The following DHX40 variants were observed in gnomAD, a reference collection of about 807,000 sequenced individuals.
DHX40 encodes DEAH-box helicase 40.
A neutral mutation model predicts 89.6 loss-of-function variants in DHX40; 28 were observed. The observed-to-expected ratio is 0.31, with a 90% confidence interval of 0.23 to 0.43. The LOEUF (loss-of-function observed/expected upper bound fraction) is 0.43. Ranked by LOEUF, DHX40 falls within the 20% of genes least tolerant of loss-of-function variation. The pLI is 1.00. For synonymous variants in DHX40, 226 were observed against 283.6 expected (o/e 0.80, Z 2.04); for missense variants, 457 against 844.0 (o/e 0.54, Z 5.68).
At chr17:59,572,132 A>C (rs910361297) in intron 3 of DHX40, among the ~76,000 whole-genome samples, 1 of 152,158 alleles carries the variant, frequency 6.6e-6, no homozygotes, top group Non-Finnish European at 1.5e-5. Context: ...TTTAATAGTG[A>C]ATATTATAAT....
intron 3 of DHX40, among the ~76,000 whole-genome samples, chr17:59,572,295 T>C (rs1034300870): frequency 6.6e-6 from 1 of 152,204 alleles, no homozygotes; most frequent in African/African-American, 2.4e-5. Context: ...GTTTTTTCTT[T>C]CTTCTTTCCC....
chr17:59,601,252 T>A (rs968847635), intron 14 of DHX40, among the ~76,000 whole-genome samples: 41 of 152,168 alleles, frequency 2.7e-4, no homozygotes, highest in South Asian at 2.5e-3. Context: ...CAGGCTACAG[T>A]GAGCTGTGAT....
chr17:59,570,188 T>C (rs977912672), intron 2 of DHX40, among the ~76,000 whole-genome samples: 4 of 122,960 alleles, frequency 3.3e-5, no homozygotes, highest in Non-Finnish European at 6.3e-5. Context: ...ATATATATAA[T>C]ATATAATATA....
At chr17:59,590,124 C>T (rs1274618173) in intron 12 of DHX40, among the ~76,000 whole-genome samples, 3 of 150,708 alleles carry the variant, frequency 2.0e-5, no homozygotes, top group African/African-American at 7.3e-5. Flanking sequence ...CCCTTGCATC[C>T]TTAGAGAATT....
rs2030765791 is a variant in DHX40 at position 59,605,174 on chromosome 17, C to G, written c.1961C>G (p.Pro654Arg). 1.2e-6 allele frequency: 2 copies of G among 1,613,898 alleles called. No homozygotes were observed. Among genetic ancestry groups the G allele is most frequent in the East Asian group, 4.5e-5 (2 of 44,874 alleles). Residue 654 changes from proline to arginine, a missense_variant, in exon 16 of 18, where the codon CCT (proline) becomes CGT (arginine). Physicochemically the swap from Pro to Arg is moderately radical, Grantham distance 103. This residue lies in a region of DHX40 where 120 missense variants were observed against 161.7 expected (regional missense o/e 0.74). Coordinates refer to ENST00000251241, the MANE Select transcript of DHX40 (RefSeq NM_024612.5). Reference sequence around the variant, plus strand: ...CGTGGAAGCCCAGTTCACATTCATCCTTCCTCAGCAGTAAGTACTTCATTT... The same window carrying G: ...CGTGGAAGCCCAGTTCACATTCATCGTTCCTCAGCAGTAAGTACTTCATTT... Reference protein sequence around the residue: ...DGRGSPVHIHPSSALHEQETK... With the variant: ...DGRGSPVHIHRSSALHEQETK...
intron 11 of DHX40, among the ~76,000 whole-genome samples, chr17:59,587,291 T>G (rs2049013543): frequency 6.6e-6 from 1 of 151,606 alleles, no homozygotes; most frequent in Admixed American, 6.6e-5. Context: ...TGGTGCAATC[T>G]CACCTCACTG....
At chr17:59,575,682 C>A (rs991095072) in intron 7 of DHX40, 1 of 467,384 alleles carries the variant, frequency 2.1e-6, no homozygotes, top group South Asian at 1.9e-5. Flanking sequence ...TTTTTACATT[C>A]ACTTTTTTGA....
chr17:59,598,989 A>T (rs1308541201), intron 13 of DHX40, 138 bp downstream of exon 13: 1 of 596,698 alleles, frequency 1.7e-6, no homozygotes, highest in Non-Finnish European at 3.1e-6. Flanking sequence ...CAGTGAAATT[A>T]TCTATGTCAG....
Position 59,565,777 on chromosome 17 carries a change from G to A in DHX40, c.106G>A (p.Asp36Asn). 6.2e-7 allele frequency: 1 copy of A among 1,600,708 alleles called. No individual in the cohort carries two copies. Residue 36 changes from aspartate (D) to asparagine (N), a missense_variant, in exon 1 of 18, where the codon GAT becomes AAT. By Grantham distance (23) the Asp-to-Asn change is conservative (BLOSUM62 1). Transcript: ENST00000251241. ...GCGGCTCTCGGCTGTTTGCATCGCC[G>A]ATAGAGGTGCGGTCCGCGGGACGGT... ...EERLSAVCIA[D>N]REEKGCTSQE...
chr17:59,605,140 A>G lies in DHX40; in HGVS notation c.1927A>G (p.Met643Val), dbSNP rs539150022. ...ATCTGTTGGGAGAACGTTTTGCACA[A>G]TGGATGGTCGTGGAAGCCCAGTTCA... ...RRSVGRTFCTMDGRGSPVHIH... is the reference protein window; with the variant it reads ...RRSVGRTFCTVDGRGSPVHIH... Residue 643 changes from methionine (M) to valine (V), a missense_variant, in exon 16 of 18, where the codon ATG (methionine) becomes GTG (valine). Physicochemically the swap from Met to Val is conservative, Grantham distance 21. Transcript: ENST00000251241. 10 of 1,614,116 alleles carry G rather than the reference A, an allele frequency of 6.2e-6. No homozygotes were observed. Among genetic ancestry groups the G allele is most frequent in the East Asian group, 2.2e-5 (1 of 44,864 alleles).
intron 3 of DHX40, among the ~76,000 whole-genome samples, chr17:59,571,248 A>G (rs1034851115): frequency 3.9e-5 from 6 of 152,076 alleles, no homozygotes; most frequent in African/African-American, 1.4e-4. Context: ...ACCTGAGGTC[A>G]GGAGTTCGAG....
intron 15 of DHX40, chr17:59,603,315 TTA>T (rs1292305524): frequency 1.3e-5 from 2 of 152,160 alleles, no homozygotes; most frequent in African/African-American, 4.8e-5. Flanking sequence ...ATGTAAATAT[TTA>T]TATGTATATA....
At chr17:59,601,372 A>G (rs2030515140) in intron 14 of DHX40, among the ~76,000 whole-genome samples, 1 of 151,936 alleles carries the variant, frequency 6.6e-6, no homozygotes, top group African/African-American at 2.4e-5. Flanking sequence ...CCACTGTTAT[A>G]ATTTCTCTGT....
At chr17:59,577,815 T>C (rs1035691589) in intron 8 of DHX40, among the ~76,000 whole-genome samples, 11 of 152,042 alleles carry the variant, frequency 7.2e-5, no homozygotes, top group Non-Finnish European at 1.5e-4. Context: ...TTATGTATAA[T>C]GCTTTATGGG....
chr17:59,576,788 T>G (rs1055117594), intron 7 of DHX40, among the ~76,000 whole-genome samples: 3 of 152,168 alleles, frequency 2.0e-5, no homozygotes, highest in African/African-American at 7.2e-5. Context: ...TAGACATATA[T>G]TATTCTATAC....
chr17:59,573,902 G>C lies in DHX40; in HGVS notation c.709G>C (p.Val237Leu). ...TGATATACCTGGAAGGCTTTATCCAGTCAGAGAGAAATTCTGCAATTTGAT... is the reference window on the plus strand; with the variant it reads ...TGATATACCTGGAAGGCTTTATCCACTCAGAGAGAAATTCTGCAATTTGAT... Reference protein sequence around the residue: ...IFDIPGRLYPVREKFCNLIGP... With the variant: ...IFDIPGRLYPLREKFCNLIGP... The change falls in exon 5 of 18, where the codon GTC becomes CTC. Residue 237 changes from valine (V) to leucine (L), a missense_variant. By Grantham distance (32) the Val-to-Leu change is conservative (BLOSUM62 1). Transcript: ENST00000251241. 1 of 1,606,462 alleles carries C rather than the reference G, an allele frequency of 6.2e-7. No individual in the cohort carries two copies. The highest frequency in any genetic ancestry group is 8.5e-7 in the Non-Finnish European group (1 of 1,176,242).
At chr17:59,589,253 G>A (rs2049046099) in intron 12 of DHX40, among the ~76,000 whole-genome samples, 1 of 110,130 alleles carries the variant, frequency 9.1e-6, no homozygotes, top group Non-Finnish European at 1.7e-5. Flanking sequence ...ATGGAGTCTT[G>A]CTCTGTCACC....
At position 59,588,060 on chromosome 17, in the gene DHX40, T is replaced by C. The variant is rs759792629; in HGVS notation, c.1582+7T>C. The C allele has an allele frequency of 2.5e-6, 4 of 1,611,714 alleles. No individual in the cohort carries two copies. In the Admixed American group the frequency reaches 6.7e-5, roughly 27 times the overall value. On this transcript the variant is annotated splice_region_variant and intron_variant, in intron 12 of 17. Coordinates refer to ENST00000251241, the MANE Select transcript of DHX40 (RefSeq NM_024612.5). ...AACGTCTTCATTAGACCTGGTAAGA[T>C]GTTTATTTTAAGTTGTGTTTTTTAA...
chr17:59,570,214 TATATTAA>T (rs1371838751), intron 2 of DHX40, among the ~76,000 whole-genome samples: 1 of 122,598 alleles, frequency 8.2e-6, no homozygotes, highest in African/African-American at 3.4e-5. Flanking sequence ...ATATATATTA[TATATTAA>T]ATATATATTA....
Sources: gnomAD v4.1 joint callset for allele counts (sites outside exome capture counted in the v4.1 genomes callset) on GRCh38, gnomAD v4.1.1 for gene constraint, gnomAD v4.1.1 regional missense constraint, MANE v1.5 for transcripts, NCBI Gene and HGNC (gene_info 2026-07-23, HGNC 2026-07-21) for gene names.